GRM8: variants seen among roughly 807,000 people sequenced by gnomAD.
GRM8 encodes the protein glutamate metabotropic receptor 8, also known as metabotropic glutamate receptor 8.
Under a neutral mutation model 87.2 loss-of-function variants are expected in GRM8, and 47 were observed. The ratio of observed to expected loss-of-function variants is 0.54; its 90% confidence interval spans 0.43 to 0.69. The LOEUF (loss-of-function observed/expected upper bound fraction) is 0.69. Among genes scored for constraint, GRM8 ranks in the 30% least tolerant of loss-of-function variants. The probability of loss-of-function intolerance (pLI) is 0.00; values close to 1 mark genes in which losing one functional copy is unlikely to be tolerated. For synonymous variants in GRM8, 396 were observed against 404.5 expected, an observed-to-expected ratio of 0.98 and a Z score of 0.25; for missense variants, 1,019 against 1,139.2, an observed-to-expected ratio of 0.89 and a Z score of 1.52.
chr7:127,100,111 C>A (rs1036857055), intron 3 of GRM8, among the ~76,000 whole-genome samples: 1 of 152,058 alleles, frequency 6.6e-6, no homozygotes, highest in African/African-American at 2.4e-5. Context: ...GAAGCAACCA[C>A]CTTAATTTTT....
At chr7:126,700,228 T>A (rs1041503447) in intron 7 of GRM8, among the ~76,000 whole-genome samples, 1 of 152,236 alleles carries the variant, frequency 6.6e-6, no homozygotes, top group South Asian at 2.1e-4. Context: ...ATATTAAAAA[T>A]CTATTTCATT....
intron 3 of GRM8, among the ~76,000 whole-genome samples, chr7:126,989,897 G>A (rs1812473644): frequency 6.6e-6 from 1 of 152,148 alleles, no homozygotes; most frequent in Non-Finnish European, 1.5e-5. Context: ...AGGAGGTAGA[G>A]GTTGCAGTGA....
chr7:126,649,460 C>T (rs1347957965), intron 7 of GRM8, among the ~76,000 whole-genome samples: 2 of 152,180 alleles, frequency 1.3e-5, no homozygotes, highest in Non-Finnish European at 2.9e-5. Flanking sequence ...AGACTGGCTT[C>T]CTTGCTTCTC....
rs138004157 is a variant in GRM8, at chr7:126,533,442, A to G, written c.1940T>C (p.Ile647Thr). Reference sequence around the variant, plus strand: ...TAGGAAGACCCGTCGGAAGGAGCATATGATTGTATCTGGTGCTGCAATCAT... The same window carrying G: ...TAGGAAGACCCGTCGGAAGGAGCATGTGATTGTATCTGGTGCTGCAATCAT... ...FLMIAAPDTI[I>T]CSFRRVFLGL... is the part of the protein sequence containing the mutation. Residue 647 changes from isoleucine to threonine, a missense_variant, in exon 9 of 11, where the codon ATA (isoleucine) becomes ACA (threonine). Ile to Thr is a moderately conservative substitution (Grantham distance 89, BLOSUM62 -1). Transcript: ENST00000339582. 6.2e-7 allele frequency: 1 copy of G among 1,614,044 alleles called. No individual in the cohort carries two copies. The highest frequency in any genetic ancestry group is 8.5e-7 in the Non-Finnish European group (1 of 1,179,976).
chr7:126,688,155 C>A (rs1808381447), intron 7 of GRM8, among the ~76,000 whole-genome samples: 1 of 152,064 alleles, frequency 6.6e-6, no homozygotes, highest in South Asian at 2.1e-4. Context: ...GTAAATAAAA[C>A]CTTTGTGCCA....
chr7:127,188,454 T>C (rs1044417238), intron 2 of GRM8, among the ~76,000 whole-genome samples: 1 of 152,288 alleles, frequency 6.6e-6, no homozygotes. Flanking sequence ...ATGCCCCATC[T>C]GGAGCACTCA....
chr7:127,082,223 T>C (rs748657510), intron 3 of GRM8: 1 of 152,202 alleles, frequency 6.6e-6, no homozygotes, highest in Admixed American at 6.5e-5. Flanking sequence ...TTATATATTT[T>C]GGTCTGTTCA....
At chr7:127,200,855 G>T (rs553312548) in intron 2 of GRM8, among the ~76,000 whole-genome samples, 1 of 152,318 alleles carries the variant, frequency 6.6e-6, no homozygotes, top group African/African-American at 2.4e-5. Flanking sequence ...CACATTCTCA[G>T]ATTCCAGGTG....
At chr7:126,711,562 T>C (rs1410121852) in intron 7 of GRM8, among the ~76,000 whole-genome samples, 2 of 152,206 alleles carry the variant, frequency 1.3e-5, no homozygotes, top group African/African-American at 4.8e-5. Flanking sequence ...CATTAGCCCC[T>C]AACAAGAGAG....
intron 7 of GRM8, among the ~76,000 whole-genome samples, chr7:126,638,875 C>T (rs1264230304): frequency 1.3e-5 from 2 of 152,140 alleles, no homozygotes; most frequent in Non-Finnish European, 2.9e-5. Context: ...TGTATCTTTC[C>T]TTTGACTGTG....
intron 1 of GRM8, among the ~76,000 whole-genome samples, chr7:127,244,901 C>T (rs1027199514): frequency 3.3e-5 from 5 of 152,180 alleles, no homozygotes; most frequent in Non-Finnish European, 7.3e-5. Context: ...ATGGCCCACT[C>T]GGCTGAGATA....
At chr7:127,181,227 A>G (rs1355285625) in intron 2 of GRM8, among the ~76,000 whole-genome samples, 20 of 151,958 alleles carry the variant, frequency 1.3e-4, no homozygotes, top group Non-Finnish European at 5.9e-5. Flanking sequence ...CAAATCAAGA[A>G]CCCAACCCCT....
chr7:126,926,730 C>A (rs190329100), intron 3 of GRM8, among the ~76,000 whole-genome samples: 60 of 152,338 alleles, frequency 3.9e-4, no homozygotes, highest in African/African-American at 1.4e-3. Context: ...CTGCCACCAA[C>A]TAATTTCATG....
At chr7:127,156,602 A>C (rs1457963568) in intron 2 of GRM8, among the ~76,000 whole-genome samples, 1 of 152,134 alleles carries the variant, frequency 6.6e-6, no homozygotes, top group Non-Finnish European at 1.5e-5. Flanking sequence ...AATGACAAAG[A>C]CTAGGATCTG....
intron 8 of GRM8, among the ~76,000 whole-genome samples, chr7:126,583,777 C>A (rs1298760923): frequency 6.6e-6 from 1 of 152,162 alleles, no homozygotes; most frequent in Non-Finnish European, 1.5e-5. Context: ...TTTCTTGAGA[C>A]AGAATCTACT....
intron 2 of GRM8, among the ~76,000 whole-genome samples, chr7:127,152,741 G>A (rs751269343): frequency 3.9e-5 from 6 of 152,104 alleles, no homozygotes; most frequent in Non-Finnish European, 7.4e-5. Context: ...AATTGGAGAT[G>A]CATCTGATGA....
intron 6 of GRM8, among the ~76,000 whole-genome samples, chr7:126,892,461 T>G (rs1166343572): frequency 6.6e-6 from 1 of 152,134 alleles, no homozygotes; most frequent in Non-Finnish European, 1.5e-5. Context: ...ACAAAGGACA[T>G]GAACTCATCA....
At chr7:126,828,379 AC>A (rs1207777569) in intron 6 of GRM8, among the ~76,000 whole-genome samples, 6 of 152,070 alleles carry the variant, frequency 3.9e-5, no homozygotes, top group African/African-American at 1.4e-4. Context: ...GATTATTGCC[AC>A]AATTTCAGAT....
intron 9 of GRM8, among the ~76,000 whole-genome samples, chr7:126,473,539 G>T (rs1055583050): frequency 6.6e-6 from 1 of 152,152 alleles, no homozygotes; most frequent in Admixed American, 6.5e-5. Flanking sequence ...CAAGGGATTT[G>T]CCTTGTCTCA....
Sources: gnomAD v4.1 joint callset for allele counts (sites outside exome capture counted in the v4.1 genomes callset) on GRCh38, gnomAD v4.1.1 for gene constraint, MANE v1.5 for transcripts, NCBI Gene and HGNC (gene_info 2026-07-23, HGNC 2026-07-21) for gene names.